Variants in PHYKPL observed in about 807,000 individuals in gnomAD.
The protein encoded by PHYKPL is 5-phosphohydroxy-L-lysine phospho-lyase, also known as 5-phosphonooxy-L-lysine phospho-lyase.
PHYKPL carries 42 observed loss-of-function variants against 51.3 expected under a neutral mutation model. The ratio of observed to expected loss-of-function variants is 0.82; its 90% CI spans 0.64 to 1.06. The LOEUF is 1.06. Ranked by LOEUF, PHYKPL falls within the 50% of genes least tolerant of loss-of-function variation. The pLI is 0.00. For missense variants in PHYKPL, 655 were observed against 586.6 expected (o/e 1.12, Z -1.20); for synonymous variants, 264 against 236.0 (o/e 1.12, Z -1.09).
chr5:178,214,761 A>G lies in PHYKPL; in HGVS notation c.1172+35T>C, dbSNP rs79069059. ...CAAAGAGGTACCTGTGGTGTCTCCT[A>G]CTCCAGGAAGCAACTTGTTTCAAGA... On this transcript the variant is annotated intron_variant, in intron 10 of 12. Coordinates refer to ENST00000308158, the MANE Select transcript of PHYKPL (RefSeq NM_153373.4). The G allele has an allele frequency of 9.4e-4, 1,505 of 1,598,300 alleles. 17 individuals are homozygous for G. In the African/African-American group the frequency reaches 0.018, roughly 19 times the overall value.
rs1270467648 is a variant in PHYKPL, at chr5:178,225,000, G to A, written c.414-271C>T. ...AATGAGGTGGGATTTCCTCCTTCTG[G>A]TTTATAATGAATCTTAAATGTGTTG... On this transcript the variant is annotated intron_variant, in intron 4 of 12. Transcript: ENST00000308158. 15 of 566,338 alleles carry A rather than the reference G, an allele frequency of 2.6e-5. No homozygotes were observed. In the East Asian group the frequency reaches 3.2e-4, roughly 12 times the overall value. The allele number at this position is 566,338 out of a possible 1,614,324, so 35.1% of individuals were successfully genotyped here.
chr5:178,222,731 T>A (rs1332344968), intron 7 of PHYKPL, 121 bp downstream of exon 7: 1 of 1,364,828 alleles, frequency 7.3e-7, no homozygotes. Flanking sequence ...ATTCTTTCTT[T>A]AAGGGCTTTG....
chr5:178,232,594 T>A lies in PHYKPL; in HGVS notation c.-44A>T, dbSNP rs749043723. 1.3e-4 allele frequency: 162 copies of A among 1,247,238 alleles called. No homozygotes were observed. The highest frequency in any genetic ancestry group is 1.2e-3 in the Middle Eastern group (4 of 3,286). 77.3% of individuals were successfully genotyped at this position (1,247,238 alleles called of 1,614,324 possible). A position where few individuals can be genotyped will look rare whatever the true frequency, so the allele number is the denominator to read the frequency against. ...GGTGCCGTGACGCCACGCGGAGACG[T>A]CGCCGCGCGGGCTGGGCCTCCAAGG... On this transcript the variant is annotated 5_prime_UTR_variant, in exon 1 of 13. Transcript: ENST00000308158.
intron 3 of PHYKPL, among the ~76,000 whole-genome samples, chr5:178,229,197 C>T (rs1159914774): frequency 2.0e-5 from 3 of 151,844 alleles, no homozygotes; most frequent in African/African-American, 7.3e-5. Context: ...ACCTCCGCCT[C>T]CCGGTTCAAG....
chr5:178,214,641 C>T (rs1759375336), intron 10 of PHYKPL, among the ~76,000 whole-genome samples, 155 bp downstream of exon 10: 1 of 152,138 alleles, frequency 6.6e-6, no homozygotes, highest in Non-Finnish European at 1.5e-5. Flanking sequence ...TGTCCCCCAA[C>T]AACTGCCCCC....
At chr5:178,231,683 C>G in intron 1 of PHYKPL, 160 bp from the exon 2 acceptor site, 1 of 1,569,206 alleles carries the variant, frequency 6.4e-7, no homozygotes, top group Non-Finnish European at 8.6e-7. Flanking sequence ...TCTCTCCACT[C>G]CACAGGTGGT....
intron 8 of PHYKPL, chr5:178,216,544 G>A (rs1487289258): frequency 6.6e-6 from 1 of 152,148 alleles, no homozygotes; most frequent in Admixed American, 6.5e-5. Context: ...CAAGAAAAAG[G>A]AACCACCATG....
chr5:178,213,153 C>T (rs756525528), intron 10 of PHYKPL, 50 bp from the exon 11 acceptor site: 1 of 1,603,226 alleles, frequency 6.2e-7, no homozygotes. Context: ...CTTCCTCAGC[C>T]TGGCCTTGGC....
intron 3 of PHYKPL, chr5:178,228,078 G>A (rs758506551): frequency 1.2e-5 from 2 of 170,788 alleles, no homozygotes; most frequent in African/African-American, 2.4e-5. Flanking sequence ...TTTGTCAGAT[G>A]TCACAGGGGC....
chr5:178,207,787 T>G (rs115354205), downstream of PHYKPL, among the ~76,000 whole-genome samples: 292 of 146,732 alleles, frequency 2.0e-3, 2 homozygotes, highest in African/African-American at 6.9e-3. Flanking sequence ...ACTGCAACCT[T>G]GACCTCATGG....
chr5:178,210,151 TCAGGGCTACGGCAACTACTGGAAC>T (rs760292313), intron 12 of PHYKPL: 27 of 1,614,100 alleles, frequency 1.7e-5, no homozygotes, highest in East Asian at 4.5e-5. Flanking sequence ...AGAGTTGGAA[TCAGGGCTACGGCAACTACTGGAAC>T]CAGGGCTACG....
intron 3 of PHYKPL, among the ~76,000 whole-genome samples, chr5:178,227,248 A>C (rs916572662): frequency 2.0e-5 from 3 of 152,208 alleles, no homozygotes; most frequent in Admixed American, 6.5e-5. Flanking sequence ...GACACCAGGG[A>C]CACCTGCACT....
intron 3 of PHYKPL, chr5:178,228,655 G>GT: frequency 1.4e-6 from 1 of 701,198 alleles, no homozygotes; most frequent in Non-Finnish European, 2.6e-6. Flanking sequence ...TCTGTACTGT[G>GT]TGAGTGGCCA....
At chr5:178,226,888 C>T (rs6864051) in intron 3 of PHYKPL, among the ~76,000 whole-genome samples, 24 of 152,004 alleles carry the variant, frequency 1.6e-4, no homozygotes, top group African/African-American at 4.3e-4. Flanking sequence ...AAAATGAATG[C>T]GTGTGTTTGT....
At chr5:178,219,803 G>A (rs903494470) in intron 8 of PHYKPL, among the ~76,000 whole-genome samples, 1 of 152,136 alleles carries the variant, frequency 6.6e-6, no homozygotes, top group Middle Eastern at 3.4e-3. Flanking sequence ...CATATGAAGA[G>A]ATACTTCACG....
rs180824097 is a variant in PHYKPL, at chr5:178,231,207, C to A, written c.178+198G>T. 2.8e-4 allele frequency among the ~76,000 whole-genome samples: 42 copies of A among 152,336 alleles called. No homozygotes were observed. The East Asian group carries it at 7.7e-3, about 28-fold the overall frequency. ...TAGACTCACAGACCTAGATTGCTGA[C>A]CCCTGCCTGGTTTAGCACAGCTCCA... is the stretch of plus-strand genomic sequence containing the variant. On this transcript the variant is annotated intron_variant, in intron 2 of 12. Transcript: ENST00000308158.
chr5:178,227,242 C>T (rs1215406276), intron 3 of PHYKPL, among the ~76,000 whole-genome samples: 1 of 152,036 alleles, frequency 6.6e-6, no homozygotes, highest in Non-Finnish European at 1.5e-5. Context: ...CAAAGAGACA[C>T]CAGGGACACC....
At chr5:178,212,765 C>G (rs1207525560) in intron 11 of PHYKPL, among the ~76,000 whole-genome samples, 1 of 152,244 alleles carries the variant, frequency 6.6e-6, no homozygotes, top group Non-Finnish European at 1.5e-5. Context: ...CTTCCACCTC[C>G]TGACAGCCCA....
intron 1 of PHYKPL, 101 bp downstream of exon 1, chr5:178,232,391 A>G: frequency 7.6e-7 from 1 of 1,323,096 alleles, no homozygotes; most frequent in Non-Finnish European, 9.6e-7. Context: ...GCGGCTTCCT[A>G]GCCGGAGGCG....
Sources: allele counts gnomAD v4.1 joint callset (sites outside exome capture counted in the v4.1 genomes callset), GRCh38; gene constraint gnomAD v4.1.1; transcripts MANE v1.5; gene names NCBI Gene and HGNC (gene_info 2026-07-23, HGNC 2026-07-21).